The following NCKIPSD variants were observed in gnomAD, a reference collection of about 807,000 sequenced individuals.
NCKIPSD encodes the protein NCK interacting protein with SH3 domain.
A neutral mutation model predicts 73.4 loss-of-function variants in NCKIPSD; 48 were observed. The ratio of observed to expected loss-of-function variants is 0.65; its 90% confidence interval spans 0.52 to 0.83. The LOEUF (loss-of-function observed/expected upper bound fraction) is 0.83, where lower values mean the gene tolerates loss of function less well. Ranked by LOEUF, NCKIPSD falls within the 40% of genes least tolerant of loss-of-function variation. The pLI, the probability that NCKIPSD is intolerant of heterozygous loss-of-function variation, is 0.00. For missense variants in NCKIPSD, 884 were observed against 970.2 expected, an observed-to-expected ratio of 0.91 and a Z score of 1.18; for synonymous variants, 422 against 403.6, an observed-to-expected ratio of 1.05 and a Z score of -0.54.
In NCKIPSD at chr3:48,679,597, C is replaced by T. The variant is rs759812523; in HGVS notation, c.1467G>A (p.Arg489=). ...VSSVLPVELA[R]DMQTDTQDHQ... ...CACCCTGCGTGTCTGTCTGCATGTCCCTCGCCAGCTCTACAGGCAGCACGG... is the reference window on the plus strand; with the variant it reads ...CACCCTGCGTGTCTGTCTGCATGTCTCTCGCCAGCTCTACAGGCAGCACGG... Residue 489 remains arginine, a synonymous_variant, in exon 8 of 13, where the codon AGG becomes AGA. Coordinates refer to ENST00000294129, the MANE Select transcript of NCKIPSD (RefSeq NM_016453.4). 1.9e-6 allele frequency: 3 copies of T among 1,614,076 alleles called. No individual in the cohort carries two copies. The highest frequency in any genetic ancestry group is 2.2e-5 in the South Asian group (2 of 91,090).
At chr3:48,683,962 G>A (rs1277859377) in intron 1 of NCKIPSD, among the ~76,000 whole-genome samples, 2 of 142,430 alleles carry the variant, frequency 1.4e-5, no homozygotes, top group African/African-American at 5.3e-5. Flanking sequence ...GGAGACAGGG[G>A]GATAGAAAGA....
intron 12 of NCKIPSD, among the ~76,000 whole-genome samples, 172 bp downstream of exon 12, chr3:48,678,392 G>T (rs2077286447): frequency 6.6e-6 from 1 of 152,086 alleles, no homozygotes; most frequent in African/African-American, 2.4e-5. Flanking sequence ...ACCACCTCCA[G>T]ATCACCTCAT....
At chr3:48,685,498 C>G in intron 1 of NCKIPSD, 139 bp downstream of exon 1, 1 of 1,126,066 alleles carries the variant, frequency 8.9e-7, no homozygotes, top group Admixed American at 3.2e-5. Flanking sequence ...GTCTCAGGGT[C>G]AGGTTCTCAA....
In NCKIPSD at chr3:48,674,689, T is replaced by C. The variant is rs1394012551; in HGVS notation, c.2024A>G (p.Gln675Arg). ...HAIVRTTPYLQHRHRLPDLQA... is the reference protein window; with the variant it reads ...HAIVRTTPYLRHRHRLPDLQA... ...CAGGTCGGGTAGCCGGTGGCGGTGC[T>C]GCAGGTAGGGTGTGGTGCGGACTAT... is the stretch of plus-strand genomic sequence containing the variant. The change falls in exon 13 of 13, where the codon CAG becomes CGG. Residue 675 changes from glutamine (Q) to arginine (R), a missense_variant. Physicochemically the swap from Gln to Arg is conservative, Grantham distance 43. Coordinates refer to ENST00000294129, the MANE Select transcript of NCKIPSD (RefSeq NM_016453.4). 1 of 1,614,098 alleles carries C rather than the reference T, an allele frequency of 6.2e-7. No individual in the cohort carries two copies. The highest frequency in any genetic ancestry group is 1.1e-5 in the South Asian group (1 of 91,084).
chr3:48,685,689 G>A lies in NCKIPSD; in HGVS notation c.119C>T (p.Ala40Val), dbSNP rs1214879578. The A allele has an allele frequency of 1.3e-6, 2 of 1,525,834 alleles. No individual in the cohort carries two copies. The highest frequency in any genetic ancestry group is 2.5e-5 in the East Asian group (1 of 39,256). The allele number at this position is 1,525,834 out of a possible 1,614,324, so 94.5% of individuals were successfully genotyped here. Residue 40 changes from alanine to valine, a missense_variant, in exon 1 of 13, where the codon GCG becomes GTG. Ala to Val is a moderately conservative substitution (Grantham distance 64). Transcript: ENST00000294129. ...SSAHWWLAAR[A>V]RSGETGYVPP... is the part of the protein sequence containing the mutation. ...CACGTAGCCCGTCTCACCACTGCGC[G>A]CCCGCGCGGCCAGCCACCAGTGCGC... is the stretch of plus-strand genomic sequence containing the variant.
Position 48,681,452 on chromosome 3 carries a change from G to A in NCKIPSD, c.927C>T (p.Pro309=). 4 of 1,614,100 alleles carry A rather than the reference G, an allele frequency of 2.5e-6. No homozygotes were observed. The highest frequency in any genetic ancestry group is 3.4e-6 in the Non-Finnish European group (4 of 1,180,030). ...EEKAAAEAAV[P]RTIGAELMEL... ...CCATCAGCTCGGCCCCAATGGTCCT[G>A]GGCACAGCCGCCTCAGCTGCTGCCT... Residue 309 remains proline (P), a synonymous_variant, in exon 5 of 13, where the codon CCC becomes CCT. Transcript: ENST00000294129.
At chr3:48,677,586 TCTC>T (rs2077274824) in intron 12 of NCKIPSD, among the ~76,000 whole-genome samples, 1 of 152,032 alleles carries the variant, frequency 6.6e-6, no homozygotes, top group African/African-American at 2.4e-5. Context: ...TCATTCAGAC[TCTC>T]CTCCTTGCAC....
rs201067488 is a variant in NCKIPSD at position 48,679,842 on chromosome 3, C to T, written c.1309G>A (p.Glu437Lys). Residue 437 changes from glutamate (E) to lysine (K), a missense_variant, in exon 7 of 13, where the codon GAG (glutamate) becomes AAG (lysine). By Grantham distance (56) the Glu-to-Lys change is moderately conservative. Transcript: ENST00000294129. ...EVCKKMCKRN[E>K]FESVLALVAY... ...ACCAAGGCCAGGACAGACTCGAACT[C>T]GTTTCTCTTGCACATTTTCTTGCAA... 5.4e-5 allele frequency: 87 copies of T among 1,614,102 alleles called. 4 individuals carry two copies. In the Middle Eastern group the frequency reaches 8.2e-4, roughly 15 times the overall value.
chr3:48,677,077 A>T (rs1431960587), intron 12 of NCKIPSD, among the ~76,000 whole-genome samples: 1 of 150,862 alleles, frequency 6.6e-6, no homozygotes, highest in Non-Finnish European at 1.5e-5. Context: ...GCGCCTGGCC[A>T]ACATCCCCCA....
chr3:48,681,991 C>A, intron 4 of NCKIPSD, 54 bp downstream of exon 4: 9 of 1,560,320 alleles, frequency 5.8e-6, no homozygotes, highest in Non-Finnish European at 7.8e-6. Context: ...GGCAGCACAA[C>A]CATTCCAAGC....
chr3:48,681,212 T>C, intron 5 of NCKIPSD, 75 bp downstream of exon 5: 1 of 1,502,094 alleles, frequency 6.7e-7, no homozygotes, highest in Non-Finnish European at 8.8e-7. Flanking sequence ...ACCTGTAATG[T>C]ACAGGCTGGA....
rs1249810340 is a variant in NCKIPSD, at chr3:48,681,666, C to G, written c.713G>C (p.Ser238Thr). ...CACAGGTGGGGGTGTGGGTGAGCAGCTGGAGCCTGGTTCAGATGGGCTGGA... is the reference window on the plus strand; with the variant it reads ...CACAGGTGGGGGTGTGGGTGAGCAGGTGGAGCCTGGTTCAGATGGGCTGGA... ...TSSSPSEPGS[S>T]CSPTPPPVPR... The change falls in exon 5 of 13, where the codon AGC (serine) becomes ACC (threonine). Residue 238 changes from serine (S) to threonine (T), a missense_variant. Physicochemically the swap from Ser to Thr is moderately conservative, Grantham distance 58 (BLOSUM62 1). Transcript: ENST00000294129. 6.2e-7 allele frequency: 1 copy of G among 1,606,016 alleles called. No individual in the cohort carries two copies. The highest frequency in any genetic ancestry group is 1.7e-5 in the Admixed American group (1 of 59,602).
Position 48,678,740 on chromosome 3 carries a change from G to GC in NCKIPSD, c.1793-5_1793-4insG. On this transcript the variant is annotated splice_region_variant and splice_polypyrimidine_tract_variant and intron_variant, in intron 11 of 12. Coordinates refer to ENST00000294129, the MANE Select transcript of NCKIPSD (RefSeq NM_016453.4). Reference sequence around the variant, plus strand: ...TTGAAGATGCGCACAGGGTCATCTAGGAGGCAGGGGTCATAGCGGTCAGGG... The same window carrying GC: ...TTGAAGATGCGCACAGGGTCATCTAGCGAGGCAGGGGTCATAGCGGTCAGGG... The GC allele has an allele frequency of 6.2e-7, 1 of 1,613,128 alleles. No homozygotes were observed. Among genetic ancestry groups the GC allele is most frequent in the Non-Finnish European group, 8.5e-7 (1 of 1,179,422 alleles).
At position 48,681,398 on chromosome 3, in the gene NCKIPSD, G is replaced by C; in HGVS notation, c.981C>G (p.Ser327Arg). The change falls in exon 5 of 13, where the codon AGC (serine) becomes AGG (arginine). Residue 327 changes from serine to arginine, a missense_variant. Ser to Arg is a moderately radical substitution (Grantham distance 110, BLOSUM62 -1). Coordinates refer to ENST00000294129, the MANE Select transcript of NCKIPSD (RefSeq NM_016453.4). ...MELVRRNTGL[S>R]HELCRVAIGI... Reference sequence around the variant, plus strand: ...CGATGGCCACCCGGCATAATTCGTGGCTCAGGCCAGTGTTTCTCCGCACCA... The same window carrying C: ...CGATGGCCACCCGGCATAATTCGTGCCTCAGGCCAGTGTTTCTCCGCACCA... 2 of 1,612,962 alleles carry C rather than the reference G, an allele frequency of 1.2e-6. No homozygotes were observed. Among genetic ancestry groups the C allele is most frequent in the Non-Finnish European group, 1.7e-6 (2 of 1,179,366 alleles).
intron 4 of NCKIPSD, 30 bp from the exon 5 acceptor site, chr3:48,681,810 G>A: frequency 6.8e-7 from 1 of 1,467,712 alleles, no homozygotes; most frequent in Non-Finnish European, 9.0e-7. Context: ...GCTGGGCCAG[G>A]GCAGCCCCCT....
intron 4 of NCKIPSD, 86 bp downstream of exon 4, chr3:48,681,959 G>C: frequency 7.9e-6 from 12 of 1,513,640 alleles, no homozygotes; most frequent in South Asian, 1.2e-5. Context: ...CCCCAGCTTA[G>C]AGCCTCCATT....
intron 12 of NCKIPSD, among the ~76,000 whole-genome samples, chr3:48,676,699 C>A (rs2077260874): frequency 6.6e-6 from 1 of 152,018 alleles, no homozygotes; most frequent in Non-Finnish European, 1.5e-5. Context: ...CACTATGTTG[C>A]CCAGGCTGAT....
intron 1 of NCKIPSD, among the ~76,000 whole-genome samples, chr3:48,684,019 C>CACAGAGAG (rs563262573): frequency 4.3e-4 from 61 of 141,258 alleles, no homozygotes; most frequent in African/African-American, 1.5e-3. Context: ...CACACACACA[C>CACAGAGAG]AGAGAGAGAG....
intron 5 of NCKIPSD, 131 bp from the exon 6 acceptor site, chr3:48,680,360 G>C: frequency 9.7e-7 from 1 of 1,032,904 alleles, no homozygotes; most frequent in Non-Finnish European, 1.4e-6. Context: ...GCCCACACTG[G>C]ACAGGAGGCT....
Sources: allele counts gnomAD v4.1 joint callset (sites outside exome capture counted in the v4.1 genomes callset), GRCh38; gene constraint gnomAD v4.1.1; transcripts MANE v1.5; gene names NCBI Gene and HGNC (gene_info 2026-07-23, HGNC 2026-07-21).